TFIP11: variants seen among roughly 807,000 people sequenced by gnomAD.
TFIP11 encodes tuftelin interacting protein 11.
In TFIP11, 86 loss-of-function variants were observed where a neutral mutation model predicts 96.8. The observed-to-expected ratio is 0.89, with a 90% CI of 0.75 to 1.06. The LOEUF (loss-of-function observed/expected upper bound fraction) is 1.06, where lower values mean the gene tolerates loss of function less well. TFIP11 is among the 50% of genes least tolerant of loss of function. TFIP11 has a pLI of 0.00. For synonymous variants in TFIP11, 405 were observed against 395.2 expected (o/e 1.02, Z -0.29); for missense variants, 881 against 1,076.7 (o/e 0.82, Z 2.54).
At chr22:26,498,721 G>C in intron 10 of TFIP11, 148 bp downstream of exon 10, 2 of 647,220 alleles carry the variant, frequency 3.1e-6, no homozygotes, top group Admixed American at 2.5e-5. Context: ...AAAATTCATA[G>C]CCAAATGAAT....
chr22:26,505,683 G>C (rs1396221490), intron 6 of TFIP11, among the ~76,000 whole-genome samples: 2 of 147,780 alleles, frequency 1.4e-5, no homozygotes, highest in Non-Finnish European at 3.0e-5. Flanking sequence ...ATTCATTTTT[G>C]TTTTTATTTA....
intron 6 of TFIP11, among the ~76,000 whole-genome samples, chr22:26,505,571 T>C (rs1433240903): frequency 2.0e-5 from 3 of 152,158 alleles, no homozygotes. Flanking sequence ...GAAGGCCATG[T>C]CCATCGTCCC....
rs750681701 is a variant in TFIP11 at position 26,506,934 on chromosome 22, G to A, written c.210-6C>T. ...GCGCAGAGTAGTCACGGGCCCTGTA[G>A]GCACAGAAACAAAGCCCCACCAGGT... On this transcript the variant is annotated splice_region_variant and splice_polypyrimidine_tract_variant and intron_variant, in intron 4 of 14. Transcript: ENST00000407690. The A allele has an allele frequency of 3.7e-6, 6 of 1,613,258 alleles. No individual in the cohort carries two copies. The South Asian group carries it at 4.4e-5, about 12-fold the overall frequency.
Position 26,512,465 on chromosome 22 carries a change from C to G in TFIP11, c.-244G>C, listed in dbSNP as rs999067035. 6.6e-6 allele frequency: 1 copy of G among 152,346 alleles called. No individual in the cohort carries two copies. Among genetic ancestry groups the G allele is most frequent in the Non-Finnish European group, 1.5e-5 (1 of 68,122 alleles). 9.4% of individuals were successfully genotyped at this position (152,346 alleles called of 1,614,324 possible). ...AGAAGACGCCGCTCCTACACCAGAA[C>G]CCGGAAGCACCGTGGCCGGCGCGCC... On this transcript the variant is annotated 5_prime_UTR_variant, in exon 1 of 15. Coordinates refer to ENST00000407690, the MANE Select transcript of TFIP11 (RefSeq NM_012143.4).
rs1196499300 is a variant in TFIP11, at chr22:26,503,699, G to C, written c.615C>G (p.Phe205Leu). The C allele has an allele frequency of 5.0e-6, 8 of 1,614,038 alleles. No homozygotes were observed. The highest frequency in any genetic ancestry group is 6.8e-6 in the Non-Finnish European group (8 of 1,180,032). ...SERTTQSMQD[F>L]PVVDSEEEAE... ...CTTCTTCCTCTGAGTCAACCACAGGGAAGTCTTGCATGGACTGAGTGGTGC... is the reference window on the plus strand; with the variant it reads ...CTTCTTCCTCTGAGTCAACCACAGGCAAGTCTTGCATGGACTGAGTGGTGC... Residue 205 changes from phenylalanine (F) to leucine (L), a missense_variant, in exon 7 of 15, where the codon TTC becomes TTG. Transcript: ENST00000407690.
Position 26,491,906 on chromosome 22 carries a change from T to C in TFIP11, c.*107A>G, listed in dbSNP as rs1011013640. 2 of 1,176,990 alleles carry C rather than the reference T, an allele frequency of 1.7e-6. No homozygotes were observed. Among genetic ancestry groups the C allele is most frequent in the African/African-American group, 3.1e-5 (2 of 65,260 alleles). 72.9% of individuals were successfully genotyped at this position (1,176,990 alleles called of 1,614,324 possible). On this transcript the variant is annotated 3_prime_UTR_variant, in exon 15 of 15. Coordinates refer to ENST00000407690, the MANE Select transcript of TFIP11 (RefSeq NM_012143.4). ...ATGACCTGGCCTGATGTGGAGTAGCTCCTGAGTAAAGAAGTTACCCTTTTG... is the reference window on the plus strand; with the variant it reads ...ATGACCTGGCCTGATGTGGAGTAGCCCCTGAGTAAAGAAGTTACCCTTTTG...
Position 26,491,916 on chromosome 22 carries a change from A to G in TFIP11, c.*97T>C. The G allele has an allele frequency of 7.9e-7, 1 of 1,262,904 alleles. No homozygotes were observed. The highest frequency in any genetic ancestry group is 1.1e-6 in the Non-Finnish European group (1 of 913,722). The allele number at this position is 1,262,904 out of a possible 1,614,324, so 78.2% of individuals were successfully genotyped here. A position where few individuals can be genotyped will look rare whatever the true frequency, so the allele number is the denominator to read the frequency against. On this transcript the variant is annotated 3_prime_UTR_variant, in exon 15 of 15. Transcript: ENST00000407690. ...CTGATGTGGAGTAGCTCCTGAGTAAAGAAGTTACCCTTTTGAAGGTGATCT... is the reference window on the plus strand; with the variant it reads ...CTGATGTGGAGTAGCTCCTGAGTAAGGAAGTTACCCTTTTGAAGGTGATCT...
At chr22:26,492,390 C>A (rs775837320) in intron 14 of TFIP11, 22 bp from the exon 15 acceptor site, 1 of 1,608,218 alleles carries the variant, frequency 6.2e-7, no homozygotes, top group African/African-American at 1.3e-5. Flanking sequence ...GAGGACAGGG[C>A]GGTGAGGAGA....
Position 26,491,624 on chromosome 22 carries a change from C to T in TFIP11, c.*389G>A, listed in dbSNP as rs569715425. On this transcript the variant is annotated 3_prime_UTR_variant, in exon 15 of 15. Coordinates refer to ENST00000407690, the MANE Select transcript of TFIP11 (RefSeq NM_012143.4). The stretch of plus-strand genomic sequence containing the variant: ...AACCAGATTATCAGGACTGTGAGGA[C>T]CTTGAAATCATCAGGAACAAGAGAG... 14 of 1,613,884 alleles carry T rather than the reference C, an allele frequency of 8.7e-6. No individual in the cohort carries two copies. The Admixed American group carries it at 1.3e-4, about 15-fold the overall frequency.
chr22:26,499,693 G>A (rs1922541830), intron 8 of TFIP11, 62 bp from the exon 9 acceptor site: 2 of 1,516,372 alleles, frequency 1.3e-6, no homozygotes, highest in African/African-American at 2.7e-5. Context: ...ACACAGCTAA[G>A]CCCAGGGGAA....
intron 10 of TFIP11, among the ~76,000 whole-genome samples, chr22:26,498,154 A>C (rs1199191614): frequency 6.6e-6 from 1 of 152,232 alleles, no homozygotes; most frequent in African/African-American, 2.4e-5. Flanking sequence ...CTCACTTATA[A>C]GTGGAAGCTA....
Position 26,499,423 on chromosome 22 carries a change from T to C in TFIP11, c.1010A>G (p.Gln337Arg). 1 of 1,614,238 alleles carries C rather than the reference T, an allele frequency of 6.2e-7. No individual in the cohort carries two copies. Among genetic ancestry groups the C allele is most frequent in the Non-Finnish European group, 8.5e-7 (1 of 1,180,040 alleles). Reference sequence around the variant, plus strand: ...CTCATACTGTAGCTGCCGGTCATTCTGGATGATCTCCTGCTCCGTGAGGTC... The same window carrying C: ...CTCATACTGTAGCTGCCGGTCATTCCGGATGATCTCCTGCTCCGTGAGGTC... ...LIDLTEQEII[Q>R]NDRQLQYERD... Residue 337 changes from glutamine (Q) to arginine (R), a missense_variant, in exon 9 of 15, where the codon CAG becomes CGG. Physicochemically the swap from Gln to Arg is conservative, Grantham distance 43. Transcript: ENST00000407690.
At position 26,494,811 on chromosome 22, in the gene TFIP11, G is replaced by A; in HGVS notation, c.1978C>T (p.Pro660Ser). The change falls in exon 13 of 15, where the codon CCC becomes TCC. Residue 660 changes from proline (P) to serine (S), a missense_variant. Pro to Ser is a moderately conservative substitution (Grantham distance 74). Coordinates refer to ENST00000407690, the MANE Select transcript of TFIP11 (RefSeq NM_012143.4). ...ACAAAGTGTACCTGAAGCCACTTGGGGAAGAAGTGCTTTTCAAGAAGTCCC... is the reference window on the plus strand; with the variant it reads ...ACAAAGTGTACCTGAAGCCACTTGGAGAAGAAGTGCTTTTCAAGAAGTCCC... ...LVGLLEKHFF[P>S]KWLQVLCSWL... The A allele has an allele frequency of 6.2e-7, 1 of 1,614,160 alleles. No individual in the cohort carries two copies. The highest frequency in any genetic ancestry group is 8.5e-7 in the Non-Finnish European group (1 of 1,180,030).
At position 26,491,322 on chromosome 22, in the gene TFIP11, A is replaced by G. The variant is rs1052163086; in HGVS notation, c.*691T>C. The G allele has an allele frequency of 3.2e-5, 25 of 778,882 alleles. No individual in the cohort carries two copies. Among genetic ancestry groups the G allele is most frequent in the Non-Finnish European group, 5.2e-5 (25 of 482,648 alleles). The allele number at this position is 778,882 out of a possible 1,614,324, so 48.2% of individuals were successfully genotyped here. On this transcript the variant is annotated 3_prime_UTR_variant, in exon 15 of 15. Coordinates refer to ENST00000407690, the MANE Select transcript of TFIP11 (RefSeq NM_012143.4). ...CTTGGGGCGCCCAATTCATTGTGCA[A>G]AAGCATTTAAATCAAAATACCCTAT...
At position 26,503,803 on chromosome 22, in the gene TFIP11, TTCAGC is replaced by T; in HGVS notation, c.521-15_521-11del. 1 of 1,599,948 alleles carries T rather than the reference TTCAGC, an allele frequency of 6.3e-7. No individual in the cohort carries two copies. Among genetic ancestry groups the T allele is most frequent in the South Asian group, 1.1e-5 (1 of 88,464 alleles). On this transcript the variant is annotated splice_polypyrimidine_tract_variant and intron_variant, in intron 6 of 14. Coordinates refer to ENST00000407690, the MANE Select transcript of TFIP11 (RefSeq NM_012143.4). ...ATTGGGTTAATGATACCTGAGGAAT[TTCAGC>T]AAAAAAAAAAGAGAGTCTTACGATC...
At chr22:26,492,548 C>G in intron 14 of TFIP11, 180 bp from the exon 15 acceptor site, 1 of 605,524 alleles carries the variant, frequency 1.7e-6, no homozygotes, top group Non-Finnish European at 2.9e-6. Context: ...CACATAAAAA[C>G]TGTTCAGAAG....
rs34764403 is a variant in TFIP11 at position 26,510,250 on chromosome 22, C to T, written c.23G>A (p.Arg8Gln). The change falls in exon 4 of 15, where the codon CGG (arginine) becomes CAG (glutamine). Residue 8 changes from arginine to glutamine, a missense_variant. Arg to Gln is a conservative substitution (Grantham distance 43). Transcript: ENST00000407690. MSLSHLY[R>Q]DGEGRIDDDD... The stretch of plus-strand genomic sequence containing the variant: ...ATCATCAATGCGGCCTTCCCCATCC[C>T]GGTATAAGTGGGACAATGACATGGC... 12,671 of 1,614,040 alleles carry T rather than the reference C, an allele frequency of 7.9e-3. 86 individuals carry two copies. The highest frequency in any genetic ancestry group is 8.4e-3 in the Non-Finnish European group (9,943 of 1,180,008).
rs1418467482 is a variant in TFIP11 at position 26,494,737 on chromosome 22, A to T, written c.1992+60T>A. 9 of 1,608,834 alleles carry T rather than the reference A, an allele frequency of 5.6e-6. No individual in the cohort carries two copies. In the African/African-American group the frequency reaches 1.1e-4, roughly 19 times the overall value. On this transcript the variant is annotated intron_variant, in intron 13 of 14. Coordinates refer to ENST00000407690, the MANE Select transcript of TFIP11 (RefSeq NM_012143.4). The stretch of plus-strand genomic sequence containing the variant: ...GTACCTACAGTCAGGCCTTGGCAGA[A>T]AATTAACTTAATCCCCACCCAGTTC...
rs769478026 is a variant in TFIP11, at chr22:26,496,883, T to A, written c.1443A>T (p.Ile481=). The A allele has an allele frequency of 6.2e-6, 10 of 1,613,784 alleles. No individual in the cohort carries two copies. In the African/African-American group the frequency reaches 1.2e-4, roughly 19 times the overall value. The part of the protein sequence containing the change: ...DLSADAFHRL[I]WEVWMPFVRN... ...GAACAAAAGGCATCCAGACTTCCCA[T>A]ATCAACCTATGGGAGAAAGGCAGAG... is the stretch of plus-strand genomic sequence containing the variant. Residue 481 remains isoleucine (I), a synonymous_variant, in exon 11 of 15, where the codon ATA becomes ATT. Coordinates refer to ENST00000407690, the MANE Select transcript of TFIP11 (RefSeq NM_012143.4).
Sources: allele counts gnomAD v4.1 joint callset (sites outside exome capture counted in the v4.1 genomes callset), GRCh38; gene constraint gnomAD v4.1.1; transcripts MANE v1.5; gene names NCBI Gene and HGNC (gene_info 2026-07-23, HGNC 2026-07-21).